Variants in ANKS1B observed in about 807,000 individuals in gnomAD.
ANKS1B encodes ankyrin repeat and sterile alpha motif domain-containing protein 1B.
Under a neutral mutation model 148.3 loss-of-function variants are expected in ANKS1B, and 36 were observed. The observed-to-expected ratio is 0.24, with a 90% CI of 0.19 to 0.32. The LOEUF (loss-of-function observed/expected upper bound fraction) is 0.32. Ranked by LOEUF, ANKS1B falls within the 10% of genes least tolerant of loss-of-function variation. The pLI is 1.00. For missense variants in ANKS1B, 1,157 were observed against 1,542.6 expected, an observed-to-expected ratio of 0.75 and a Z score of 4.19; for synonymous variants, 542 against 560.8, an observed-to-expected ratio of 0.97 and a Z score of 0.47.
chr12:99,013,973 T>C (rs1598446633), intron 17 of ANKS1B, among the ~76,000 whole-genome samples: 1 of 152,146 alleles, frequency 6.6e-6, no homozygotes, highest in African/African-American at 2.4e-5. Context: ...ATACTATTCC[T>C]ATCAAACTAC....
chr12:99,887,019 G>T (rs185539672), intron 1 of ANKS1B, among the ~76,000 whole-genome samples: 87 of 152,280 alleles, frequency 5.7e-4, no homozygotes, highest in African/African-American at 2.0e-3. Flanking sequence ...TCCCCAGAAA[G>T]CTATCTTGTA....
At chr12:99,980,663 A>G (rs1428543360) in intron 1 of ANKS1B, among the ~76,000 whole-genome samples, 1 of 152,048 alleles carries the variant, frequency 6.6e-6, no homozygotes, top group Admixed American at 6.5e-5. Context: ...AAAGTATGAA[A>G]ACTAAGTTCT....
chr12:99,117,450 A>T (rs2061677116), intron 15 of ANKS1B, among the ~76,000 whole-genome samples: 1 of 152,186 alleles, frequency 6.6e-6, no homozygotes, highest in South Asian at 2.1e-4. Flanking sequence ...ACCTACTGAG[A>T]TAATCATATG....
chr12:99,892,242 A>T (rs2093153212), intron 1 of ANKS1B, among the ~76,000 whole-genome samples: 1 of 152,110 alleles, frequency 6.6e-6, no homozygotes, highest in African/African-American at 2.4e-5. Context: ...TGACCTCGTG[A>T]TCTGCCCACC....
intron 1 of ANKS1B, among the ~76,000 whole-genome samples, chr12:99,921,267 A>C (rs1241446898): frequency 6.6e-6 from 1 of 151,968 alleles, no homozygotes; most frequent in African/African-American, 2.4e-5. Flanking sequence ...ATGAGATCTG[A>C]TGCTTTTATA....
At chr12:99,531,182 G>C (rs2096986077) in intron 9 of ANKS1B, among the ~76,000 whole-genome samples, 1 of 152,164 alleles carries the variant, frequency 6.6e-6, no homozygotes, top group African/African-American at 2.4e-5. Context: ...TATTCTGTTT[G>C]ATATTAAATC....
chr12:98,793,937 G>T (rs570452488), intron 22 of ANKS1B, among the ~76,000 whole-genome samples: 206 of 152,290 alleles, frequency 1.4e-3, no homozygotes, highest in African/African-American at 4.7e-3. Context: ...ACCTCATCTG[G>T]CCAGAGCAAA....
At chr12:99,764,538 T>G (rs2153611977) in intron 8 of ANKS1B, among the ~76,000 whole-genome samples, 1 of 152,272 alleles carries the variant, frequency 6.6e-6, no homozygotes, top group African/African-American at 2.4e-5. Context: ...TTCTCCTGCC[T>G]CAGCCTCCTG....
intron 1 of ANKS1B, among the ~76,000 whole-genome samples, chr12:99,972,698 C>T (rs907659373): frequency 1.5e-4 from 23 of 152,200 alleles, no homozygotes; most frequent in Non-Finnish European, 3.1e-4. Flanking sequence ...TCCAGAAGAT[C>T]TAGCTAAGAT....
intron 1 of ANKS1B, among the ~76,000 whole-genome samples, chr12:99,876,732 A>C (rs75572297): frequency 4.8e-4 from 1 of 2,072 alleles, no homozygotes; most frequent in African/African-American, 0.012. Context: ...TGCTTCTCAC[A>C]AAAAAAAAAA....
intron 14 of ANKS1B, among the ~76,000 whole-genome samples, chr12:99,224,825 C>G (rs903502016): frequency 1.3e-5 from 2 of 152,270 alleles, no homozygotes; most frequent in South Asian, 2.1e-4. Flanking sequence ...GGGCCTTTAA[C>G]TTAAACTTTC....
intron 8 of ANKS1B, among the ~76,000 whole-genome samples, chr12:99,678,194 G>A (rs1449649466): frequency 6.6e-6 from 1 of 152,134 alleles, no homozygotes; most frequent in Non-Finnish European, 1.5e-5. Flanking sequence ...ACCAAGAACT[G>A]CCACAGAGCC....
intron 1 of ANKS1B, among the ~76,000 whole-genome samples, chr12:99,932,330 G>C (rs1193908166): frequency 1.3e-5 from 2 of 152,044 alleles, no homozygotes; most frequent in African/African-American, 4.8e-5. Flanking sequence ...TATATTTCTA[G>C]TTGTTTGAGG....
intron 17 of ANKS1B, among the ~76,000 whole-genome samples, chr12:98,912,427 C>T (rs529461199): frequency 2.8e-4 from 42 of 152,150 alleles, no homozygotes; most frequent in Non-Finnish European, 4.9e-4. Flanking sequence ...GCCAAAGCAT[C>T]AACTTTTTCC....
chr12:99,160,600 G>A (rs2131165), intron 14 of ANKS1B, among the ~76,000 whole-genome samples: 18,997 of 150,860 alleles, frequency 0.13, 1,431 homozygotes, highest in South Asian at 0.26. Context: ...TGCCTGCCTC[G>A]GCCTCCCAAA....
chr12:99,862,898 C>T (rs1225012746), intron 1 of ANKS1B, among the ~76,000 whole-genome samples: 3 of 152,158 alleles, frequency 2.0e-5, no homozygotes, highest in South Asian at 2.1e-4. Context: ...TAGGATTCAA[C>T]ACTCTTGGAT....
chr12:99,535,933 C>G (rs1002127446), intron 9 of ANKS1B, among the ~76,000 whole-genome samples: 11 of 152,140 alleles, frequency 7.2e-5, no homozygotes, highest in African/African-American at 2.4e-4. Flanking sequence ...GCTCTAATCC[C>G]ATTTCCATCT....
intron 12 of ANKS1B, among the ~76,000 whole-genome samples, chr12:99,365,138 G>A (rs769888549): frequency 1.3e-4 from 20 of 152,200 alleles, no homozygotes; most frequent in Non-Finnish European, 2.9e-4. Context: ...CATCTTGGGT[G>A]CCAGTGGCTG....
chr12:99,159,553 T>A (rs2076422770), intron 14 of ANKS1B, among the ~76,000 whole-genome samples: 1 of 152,174 alleles, frequency 6.6e-6, no homozygotes, highest in African/African-American at 2.4e-5. Flanking sequence ...GCAAAGGATA[T>A]AATTTTTTTT....
Sources: gnomAD v4.1 joint callset for allele counts (sites outside exome capture counted in the v4.1 genomes callset) on GRCh38, gnomAD v4.1.1 for gene constraint, MANE v1.5 for transcripts, NCBI Gene and HGNC (gene_info 2026-07-23, HGNC 2026-07-21) for gene names.